The following TSEN15 variants were observed in gnomAD, a reference collection of about 807,000 sequenced individuals.
The protein encoded by TSEN15 is tRNA-splicing endonuclease subunit Sen15.
A neutral mutation model predicts 20.5 loss-of-function variants in TSEN15; 10 were observed. That is an observed-to-expected ratio of 0.49 (90% CI 0.30 to 0.83). The LOEUF (loss-of-function observed/expected upper bound fraction) is 0.83. TSEN15 is among the 40% of genes least tolerant of loss of function. The pLI, the probability that TSEN15 is intolerant of heterozygous loss-of-function variation, is 0.06. For synonymous variants in TSEN15, 72 were observed against 80.1 expected, an observed-to-expected ratio of 0.90 and a Z score of 0.54; for missense variants, 180 against 218.6, an observed-to-expected ratio of 0.82 and a Z score of 1.11.
intron 3 of TSEN15, among the ~76,000 whole-genome samples, chr1:184,066,728 T>A (rs1650677824): frequency 6.6e-6 from 1 of 152,180 alleles, no homozygotes; most frequent in Admixed American, 6.5e-5. Context: ...TAAAGTCAGA[T>A]AAAATCAGTC....
intron 3 of TSEN15, chr1:184,095,630 CT>C (rs1209383760): frequency 5.8e-6 from 2 of 342,492 alleles, no homozygotes; most frequent in African/African-American, 6.1e-5. Context: ...CTCTCTCCCC[CT>C]TCTCTCTCTC....
downstream of TSEN15, among the ~76,000 whole-genome samples, chr1:184,077,547 G>T (rs1197902124): frequency 6.6e-6 from 1 of 152,082 alleles, no homozygotes; most frequent in East Asian, 1.9e-4. Context: ...CATTTTGTAA[G>T]GCTGTAGCTG....
chr1:184,090,018 G>A (rs1651330983), intron 3 of TSEN15, among the ~76,000 whole-genome samples: 1 of 152,218 alleles, frequency 6.6e-6, no homozygotes, highest in Non-Finnish European at 1.5e-5. Context: ...ACAAAGACCT[G>A]TACATGAGGT....
intron 3 of TSEN15, among the ~76,000 whole-genome samples, chr1:184,081,088 A>G (rs983524943): frequency 6.6e-6 from 1 of 152,184 alleles, no homozygotes; most frequent in African/African-American, 2.4e-5. Flanking sequence ...CTCAATTTCT[A>G]TACTTACATC....
chr1:184,051,928 C>A, intron 1 of TSEN15, 38 bp downstream of exon 1: 1 of 1,484,142 alleles, frequency 6.7e-7, no homozygotes, highest in East Asian at 2.7e-5. Context: ...CCGTCCAGGC[C>A]CCTAACCCAG....
At chr1:184,056,978 T>C (rs995919861) in intron 3 of TSEN15, among the ~76,000 whole-genome samples, 1 of 152,174 alleles carries the variant, frequency 6.6e-6, no homozygotes, top group Non-Finnish European at 1.5e-5. Context: ...CTTCTCCTAA[T>C]TCTGGTATTC....
chr1:184,070,358 T>C (rs931810561), intron 3 of TSEN15, among the ~76,000 whole-genome samples: 4 of 152,052 alleles, frequency 2.6e-5, no homozygotes, highest in Non-Finnish European at 5.9e-5. Context: ...CCCATTCTCA[T>C]CACAGTCTAC....
intron 3 of TSEN15, among the ~76,000 whole-genome samples, chr1:184,067,941 A>AAATAT (rs1400681024): frequency 5.4e-4 from 52 of 95,570 alleles, no homozygotes; most frequent in African/African-American, 1.8e-3. Context: ...AAAAAAAAAA[A>AAATAT]ATATATATAT....
chr1:184,093,109 T>C (rs1200884518), intron 3 of TSEN15, among the ~76,000 whole-genome samples: 1 of 152,228 alleles, frequency 6.6e-6, no homozygotes, highest in African/African-American at 2.4e-5. Context: ...CGATCAATTC[T>C]GTTACATCTT....
At chr1:184,072,791 C>A in intron 4 of TSEN15, 36 bp from the exon 5 acceptor site, 1 of 1,582,178 alleles carries the variant, frequency 6.3e-7, no homozygotes, top group Non-Finnish European at 8.6e-7. Flanking sequence ...CATTGTTTAT[C>A]GGAGAAAAGT....
chr1:184,092,154 C>A (rs996826263), intron 3 of TSEN15, among the ~76,000 whole-genome samples: 1 of 152,158 alleles, frequency 6.6e-6, no homozygotes, highest in Non-Finnish European at 1.5e-5. Context: ...CAAGGTATAA[C>A]CAGACAGATG....
At chr1:184,091,812 A>G (rs1651362439) in intron 3 of TSEN15, among the ~76,000 whole-genome samples, 1 of 152,198 alleles carries the variant, frequency 6.6e-6, no homozygotes. Context: ...GCTGTTTTAT[A>G]AGGAAGAAAC....
chr1:184,070,879 G>A, intron 3 of TSEN15: 1 of 187,520 alleles, frequency 5.3e-6, no homozygotes, highest in Non-Finnish European at 1.1e-5. Flanking sequence ...GTCAATTTCT[G>A]GGATTCAGAC....
chr1:184,081,671 C>T (rs556649631), intron 3 of TSEN15, among the ~76,000 whole-genome samples: 2 of 152,122 alleles, frequency 1.3e-5, no homozygotes, highest in Non-Finnish European at 2.9e-5. Flanking sequence ...AAACCTCAAA[C>T]TATTGAGTCC....
At chr1:184,069,063 T>G (rs554971470) in intron 3 of TSEN15, among the ~76,000 whole-genome samples, 82 of 152,204 alleles carry the variant, frequency 5.4e-4, no homozygotes, top group Non-Finnish European at 1.0e-3. Flanking sequence ...GGAAAGCATT[T>G]AAATAGCTTG....
chr1:184,092,253 G>A (rs898541795), intron 3 of TSEN15, among the ~76,000 whole-genome samples: 4 of 152,188 alleles, frequency 2.6e-5, no homozygotes, highest in South Asian at 2.1e-4. Context: ...GATTGGAAAA[G>A]CATTATTGTT....
At position 184,054,533 on chromosome 1, in the gene TSEN15, T is replaced by C. The variant is rs181137875; in HGVS notation, c.217+98T>C. The C allele has an allele frequency of 6.3e-4, 743 of 1,186,238 alleles. No homozygotes were observed. In the African/African-American group the frequency reaches 9.7e-3, roughly 15 times the overall value. The allele number at this position is 1,186,238 out of a possible 1,614,324, so 73.5% of individuals were successfully genotyped here. ...CATTCTTAACATAATAAGCAATCTTTTATGCATTTGCTGTTAATTTTGCAA... is the reference window on the plus strand; with the variant it reads ...CATTCTTAACATAATAAGCAATCTTCTATGCATTTGCTGTTAATTTTGCAA... On this transcript the variant is annotated intron_variant, in intron 2 of 4. Transcript: ENST00000645668.
At chr1:184,085,487 A>G (rs1572721718) in intron 3 of TSEN15, among the ~76,000 whole-genome samples, 1 of 152,242 alleles carries the variant, frequency 6.6e-6, no homozygotes, top group African/African-American at 2.4e-5. Context: ...AATAATGTCA[A>G]GTGATGACAA....
intron 3 of TSEN15, chr1:184,095,180 G>C (rs977250386): frequency 2.5e-6 from 1 of 398,048 alleles, no homozygotes; most frequent in African/African-American, 2.1e-5. Context: ...CATGGGTTCA[G>C]TGCTCTGCTC....
Sources: gnomAD v4.1 joint callset for allele counts (sites outside exome capture counted in the v4.1 genomes callset) on GRCh38, gnomAD v4.1.1 for gene constraint, MANE v1.5 for transcripts, NCBI Gene and HGNC (gene_info 2026-07-23, HGNC 2026-07-21) for gene names.